TCOF1: variants seen among roughly 807,000 people sequenced by gnomAD.
TCOF1 encodes the protein treacle ribosome biogenesis factor 1, also known as treacle protein.
A neutral mutation model predicts 149.0 loss-of-function variants in TCOF1; 33 were observed. The observed-to-expected ratio is 0.22, with a 90% CI of 0.17 to 0.30. The LOEUF (loss-of-function observed/expected upper bound fraction) is 0.30. Among genes scored for constraint, TCOF1 ranks in the 10% least tolerant of loss-of-function variants. The pLI is 1.00. For missense variants in TCOF1, 1,728 were observed against 1,840.7 expected (o/e 0.94, Z 1.12); for synonymous variants, 789 against 738.8 (o/e 1.07, Z -1.10).
intron 11 of TCOF1, 74 bp from the exon 12 acceptor site, chr5:150,375,647 A>G: frequency 3.1e-6 from 5 of 1,612,072 alleles, no homozygotes; most frequent in South Asian, 2.2e-5. Context: ...GACTCTGTCT[A>G]CAATCTTAGT....
chr5:150,361,900 A>G (rs995758323), intron 2 of TCOF1, among the ~76,000 whole-genome samples: 4 of 152,272 alleles, frequency 2.6e-5, no homozygotes, highest in African/African-American at 9.6e-5. Flanking sequence ...CTGGTTATCC[A>G]TGGTGAGGAA....
chr5:150,375,231 T>TC, intron 10 of TCOF1, 68 bp downstream of exon 10: 1 of 1,611,682 alleles, frequency 6.2e-7, no homozygotes, highest in Non-Finnish European at 8.5e-7. Flanking sequence ...TTTTGACTTT[T>TC]CCTCTCTGAA....
chr5:150,368,535 CCT>C (rs1761858267), intron 4 of TCOF1, 179 bp from the exon 5 acceptor site: 2 of 661,770 alleles, frequency 3.0e-6, no homozygotes, highest in South Asian at 1.8e-5. Context: ...TTTCTCAACA[CCT>C]CTGGTGAGAG....
In TCOF1 at chr5:150,396,706, G is replaced by A; in HGVS notation, c.4209G>A (p.Lys1403=). Residue 1403 remains lysine (K), a synonymous_variant, in exon 24 of 27, where the codon AAG becomes AAA. Transcript: ENST00000643257. Reference sequence around the variant, plus strand: ...AAGCAAGTGGTGATGTCAAGGAGAAGAAAGGGAAGGGGTCTCTTGGCTCCC... The same window carrying A: ...AAGCAAGTGGTGATGTCAAGGAGAAAAAAGGGAAGGGGTCTCTTGGCTCCC... ...RDKASGDVKE[K]KGKGSLGSQG... 6.2e-7 allele frequency: 1 copy of A among 1,612,810 alleles called. No homozygotes were observed. The highest frequency in any genetic ancestry group is 2.2e-5 in the East Asian group (1 of 44,862).
intron 26 of TCOF1, 108 bp downstream of exon 26, chr5:150,399,178 G>GGAGGCTGGGGAAAGAGGTTCTGTTGCC: frequency 6.7e-7 from 1 of 1,494,192 alleles, no homozygotes; most frequent in East Asian, 2.3e-5. Flanking sequence ...TAAGGGGAAA[G>GGAGGCTGGGGAAAGAGGTTCTGTTGCC]GAGGCTGGGG....
chr5:150,383,724 T>G, intron 17 of TCOF1: 1 of 1,551,772 alleles, frequency 6.4e-7, no homozygotes, highest in South Asian at 1.2e-5. Context: ...TGTATCTCTC[T>G]GTTTTCTGTT....
intron 23 of TCOF1, among the ~76,000 whole-genome samples, chr5:150,395,544 T>G (rs1475652750): frequency 6.6e-6 from 1 of 151,826 alleles, no homozygotes; most frequent in Non-Finnish European, 1.5e-5. Context: ...AAGGTTTTTT[T>G]TTTTTTACAC....
intron 17 of TCOF1, chr5:150,383,144 G>A (rs1013583274): frequency 5.2e-6 from 8 of 1,535,958 alleles, no homozygotes; most frequent in Non-Finnish European, 7.0e-6. Context: ...TCCTCGGAGA[G>A]CAGTGAGGAA....
intron 19 of TCOF1, 147 bp downstream of exon 19, chr5:150,390,170 C>T: frequency 7.6e-7 from 1 of 1,308,986 alleles, no homozygotes; most frequent in Non-Finnish European, 1.0e-6. Flanking sequence ...GGCTTTCTGG[C>T]CTCCTAGCTA....
intron 17 of TCOF1, chr5:150,383,674 G>A: frequency 6.7e-7 from 1 of 1,492,482 alleles, no homozygotes; most frequent in Non-Finnish European, 9.1e-7. Flanking sequence ...TGATTCATAA[G>A]AGGCTGAGGA....
intron 17 of TCOF1, chr5:150,384,409 A>G (rs1187472479): frequency 5.1e-6 from 5 of 985,200 alleles, no homozygotes; most frequent in Non-Finnish European, 6.0e-6. Flanking sequence ...TGACAAGTGG[A>G]CAGACCTGGT....
At chr5:150,379,769 C>T (rs1764646813) in intron 17 of TCOF1, 37 bp downstream of exon 17, 7 of 1,605,294 alleles carry the variant, frequency 4.4e-6, no homozygotes, top group African/African-American at 4.0e-5. Flanking sequence ...CCAACACTCA[C>T]TCCTCAGAAC....
At chr5:150,380,737 G>C (rs1490701307) in intron 17 of TCOF1, 1 of 152,218 alleles carries the variant, frequency 6.6e-6, no homozygotes, top group Non-Finnish European at 1.5e-5. Context: ...GGCCGGGTGC[G>C]GTGGCTCAAG....
chr5:150,391,859 A>T (rs1767509458), intron 20 of TCOF1, 98 bp from the exon 21 acceptor site: 1 of 1,282,484 alleles, frequency 7.8e-7, no homozygotes, highest in South Asian at 1.3e-5. Flanking sequence ...TGTGTGCCCC[A>T]TCTAACACAG....
At chr5:150,373,494 G>T (rs1362642021) in intron 7 of TCOF1, among the ~76,000 whole-genome samples, 1 of 152,178 alleles carries the variant, frequency 6.6e-6, no homozygotes, top group African/African-American at 2.4e-5. Context: ...AGGGTTGTTG[G>T]CCCAGGGCTG....
chr5:150,369,730 G>A (rs1762126166), intron 6 of TCOF1, 128 bp downstream of exon 6: 1 of 1,048,048 alleles, frequency 9.5e-7, no homozygotes, highest in Non-Finnish European at 1.4e-6. Context: ...CCAGGAGCTG[G>A]AAAGGCTGCA....
intron 17 of TCOF1, 197 bp downstream of exon 17, chr5:150,379,929 GGGCA>G (rs1165684594): frequency 5.0e-6 from 3 of 604,436 alleles, no homozygotes; most frequent in African/African-American, 3.7e-5. Flanking sequence ...AAAATTAGCT[GGGCA>G]TGGTGGCGGG....
rs756383080 is a variant in TCOF1 at position 150,376,521 on chromosome 5, G to C, written c.2241G>C (p.Thr747=). 6.2e-7 allele frequency: 1 copy of C among 1,612,048 alleles called. No individual in the cohort carries two copies. The highest frequency in any genetic ancestry group is 8.5e-7 in the Non-Finnish European group (1 of 1,179,080). Reference sequence around the variant, plus strand: ...CTGCTCCAGTACTCCCTGGGAAGACGGGGCCTACAGTCACCCAGGTGAAAG... The same window carrying C: ...CTGCTCCAGTACTCCCTGGGAAGACCGGGCCTACAGTCACCCAGGTGAAAG... ...QGTAPVLPGK[T]GPTVTQVKAE... The change falls in exon 14 of 27, where the codon ACG becomes ACC. Residue 747 remains threonine (T), a synonymous_variant. Coordinates refer to ENST00000643257, the MANE Select transcript of TCOF1 (RefSeq NM_001371623.1).
chr5:150,385,127 A>G (rs1425544132), intron 17 of TCOF1: 1 of 968,070 alleles, frequency 1.0e-6, no homozygotes, highest in Admixed American at 6.2e-5. Context: ...GTGTATCAAA[A>G]CATCATGTTA....
Sources: allele counts gnomAD v4.1 joint callset (sites outside exome capture counted in the v4.1 genomes callset), GRCh38; gene constraint gnomAD v4.1.1; transcripts MANE v1.5; gene names NCBI Gene and HGNC (gene_info 2026-07-23, HGNC 2026-07-21).